Variants in TVP23A observed in about 807,000 individuals in gnomAD.
The protein encoded by TVP23A is trans-golgi network vesicle protein 23 homolog A, also known as Golgi apparatus membrane protein TVP23 homolog A.
A neutral mutation model predicts 31.7 loss-of-function variants in TVP23A; 21 were observed. The ratio of observed to expected loss-of-function variants is 0.66; its 90% confidence interval spans 0.47 to 0.95. TVP23A has a LOEUF of 0.95. Among genes scored for constraint, TVP23A ranks in the 40% least tolerant of loss-of-function variants. The pLI, the probability that TVP23A is intolerant of heterozygous loss-of-function variation, is 0.00. For missense variants in TVP23A, 279 were observed against 255.6 expected (o/e 1.09, Z -0.62); for synonymous variants, 104 against 96.0 (o/e 1.08, Z -0.49).
chr16:10,767,932 T>A lies in TVP23A; in HGVS notation c.*1170A>T. 5 of 1,613,086 alleles carry A rather than the reference T, an allele frequency of 3.1e-6. No individual in the cohort carries two copies. The highest frequency in any genetic ancestry group is 4.2e-6 in the Non-Finnish European group (5 of 1,179,058). ...TCCTCTTGGACTGAATTGTCTTCCG[T>A]TTGTTTCTTTTTTAAGGTAAGAATT... On this transcript the variant is annotated 3_prime_UTR_variant, in exon 8 of 8. Coordinates refer to ENST00000299866, the MANE Select transcript of TVP23A (RefSeq NM_001079512.4). This position sits in a 1 kb window ranked among gnomAD's most constrained non-coding sequence, Gnocchi z 4.6.
At chr16:10,780,763 C>T (rs980606173) in intron 2 of TVP23A, among the ~76,000 whole-genome samples, 1 of 152,160 alleles carries the variant, frequency 6.6e-6, no homozygotes, top group Admixed American at 6.5e-5. Context: ...GAAACACACA[C>T]CATGCTCAAA....
At chr16:10,795,699 C>T (rs1230739987) in intron 2 of TVP23A, among the ~76,000 whole-genome samples, 2 of 152,196 alleles carry the variant, frequency 1.3e-5, no homozygotes, top group Admixed American at 1.3e-4. Context: ...AAGGACCACA[C>T]ATTCGATGAG....
chr16:10,771,324 T>C (rs1053019499), intron 6 of TVP23A, among the ~76,000 whole-genome samples: 4 of 152,058 alleles, frequency 2.6e-5, no homozygotes, highest in Non-Finnish European at 5.9e-5. Flanking sequence ...GCGGGCTGCT[T>C]GAGCTCAGGA....
chr16:10,806,896 A>G (rs1046397434), intron 2 of TVP23A, among the ~76,000 whole-genome samples: 1 of 152,230 alleles, frequency 6.6e-6, no homozygotes, highest in African/African-American at 2.4e-5. Context: ...AGATGTAAGG[A>G]GTTAATTTCA....
At chr16:10,790,614 C>CT (rs2033052882) in intron 2 of TVP23A, among the ~76,000 whole-genome samples, 1 of 152,024 alleles carries the variant, frequency 6.6e-6, no homozygotes, top group Admixed American at 6.6e-5. Flanking sequence ...TGATTTTCTT[C>CT]TTTGTCATGT....
At chr16:10,759,109 C>T (rs534226917), downstream of TVP23A, among the ~76,000 whole-genome samples, 6 of 152,346 alleles carry the variant, frequency 3.9e-5, no homozygotes, top group Non-Finnish European at 2.9e-5. This position sits in a 1 kb window ranked among gnomAD's most constrained non-coding sequence, Gnocchi z 4.7. Flanking sequence ...TCAGTCAGGA[C>T]GACCCATAGT....
intron 2 of TVP23A, among the ~76,000 whole-genome samples, chr16:10,787,719 G>C (rs1273259683): frequency 6.6e-6 from 1 of 152,020 alleles, no homozygotes; most frequent in Admixed American, 6.6e-5. Flanking sequence ...ACAGGAGAGA[G>C]AGCTGTTCTC....
chr16:10,766,980 AC>A lies in TVP23A; in HGVS notation c.*2121del. The A allele has an allele frequency of 2.5e-6, 1 of 398,276 alleles. No homozygotes were observed. Among genetic ancestry groups the A allele is most frequent in the Non-Finnish European group, 4.4e-6 (1 of 226,086 alleles). 24.7% of individuals were successfully genotyped at this position (398,276 alleles called of 1,614,324 possible). On this transcript the variant is annotated 3_prime_UTR_variant, in exon 8 of 8. Coordinates refer to ENST00000299866, the MANE Select transcript of TVP23A (RefSeq NM_001079512.4). This position sits in a 1 kb window ranked among gnomAD's most constrained non-coding sequence, Gnocchi z 4.8. ...CATATGGGCTCCCCATCTCCCACCAACCCCTCCCCACAGGCTTCTTCCCCGA... is the reference window on the plus strand; with the variant it reads ...CATATGGGCTCCCCATCTCCCACCAACCCTCCCCACAGGCTTCTTCCCCGA...
chr16:10,772,339 G>A (rs1186800295), intron 5 of TVP23A, among the ~76,000 whole-genome samples: 2 of 152,104 alleles, frequency 1.3e-5, no homozygotes, highest in Non-Finnish European at 2.9e-5. Flanking sequence ...TGACACTGTT[G>A]TTTTACTATC....
At chr16:10,790,275 T>A (rs935450890) in intron 2 of TVP23A, among the ~76,000 whole-genome samples, 1 of 140,986 alleles carries the variant, frequency 7.1e-6, no homozygotes, top group Admixed American at 7.5e-5. Flanking sequence ...TGTCTTGGGG[T>A]AAAATTTTTT....
chr16:10,802,647 C>G (rs573010118), intron 2 of TVP23A, among the ~76,000 whole-genome samples: 15 of 152,216 alleles, frequency 9.9e-5, no homozygotes, highest in Admixed American at 3.3e-4. Context: ...TCCCGTAAGT[C>G]TGATATTATT....
At chr16:10,776,383 A>T (rs2032022383) in intron 2 of TVP23A, among the ~76,000 whole-genome samples, 1 of 151,842 alleles carries the variant, frequency 6.6e-6, no homozygotes, top group Non-Finnish European at 1.5e-5. Context: ...TCAAAAAATA[A>T]AAAAATAAAA....
chr16:10,757,970 C>G, downstream of TVP23A: 1 of 1,614,112 alleles, frequency 6.2e-7, no homozygotes, highest in Non-Finnish European at 8.5e-7. This position sits in a 1 kb window ranked among gnomAD's most constrained non-coding sequence, Gnocchi z 4.1. Flanking sequence ...ACCTCTCGGT[C>G]GTCCGGTACC....
At position 10,775,032 on chromosome 16, in the gene TVP23A, A is replaced by AGCTCACGTAGGTGACGATGGC. The variant is rs750373478; in HGVS notation, c.133_153dup (p.Ala45_Ser51dup). ...ACAAAGCTCTTGCTGAACCAGTCGC[A>AGCTCACGTAGGTGACGATGGC]GCTCACGTAGGTGACGATGGCACTC... is the stretch of plus-strand genomic sequence containing the variant. On this transcript the variant is annotated inframe_insertion, in exon 3 of 8. Transcript: ENST00000299866. 1 of 1,612,426 alleles carries AGCTCACGTAGGTGACGATGGC rather than the reference A, an allele frequency of 6.2e-7. No individual in the cohort carries two copies. Among genetic ancestry groups the AGCTCACGTAGGTGACGATGGC allele is most frequent in the Non-Finnish European group, 8.5e-7 (1 of 1,179,178 alleles).
downstream of TVP23A, among the ~76,000 whole-genome samples, chr16:10,762,659 G>A (rs538163567): frequency 4.6e-5 from 7 of 152,350 alleles, no homozygotes; most frequent in African/African-American, 1.4e-4. Flanking sequence ...TGGAGGGGAG[G>A]CCGGGATCCA....
chr16:10,802,568 G>A (rs779846728), intron 2 of TVP23A, among the ~76,000 whole-genome samples: 1 of 152,082 alleles, frequency 6.6e-6, no homozygotes, highest in Non-Finnish European at 1.5e-5. Flanking sequence ...GTGTGAGCCA[G>A]TGCACTCGTC....
In TVP23A at chr16:10,811,506, G is replaced by A. The variant is rs534970085; in HGVS notation, c.89+6597C>T. ...GCTGGTCTCAAACTCCTGGCCTCAA[G>A]CAATCCACCTGACTCAGCCTCCCAA... On this transcript the variant is annotated intron_variant, in intron 2 of 7. Transcript: ENST00000299866. Among the ~76,000 whole-genome samples the A allele has an allele frequency of 2.3e-3, 346 of 152,084 alleles. 1 individual carries two copies. Among genetic ancestry groups the A allele is most frequent in the African/African-American group, 8.0e-3 (332 of 41,468 alleles).
chr16:10,793,857 C>T (rs934571296), intron 2 of TVP23A, among the ~76,000 whole-genome samples: 2 of 127,012 alleles, frequency 1.6e-5, no homozygotes, highest in African/African-American at 3.1e-5. Flanking sequence ...TGTGATCACA[C>T]CACTGCATTC....
rs1294573313 is a variant in TVP23A at position 10,786,010 on chromosome 16, G to A, written c.90-10914C>T. On this transcript the variant is annotated intron_variant, in intron 2 of 7. Transcript: ENST00000299866. ...AAAATACAAACAATTAGCTGGGAGG[G>A]GTCTTCCAGGTCATAGGTAGATTAG... Among the ~76,000 whole-genome samples, 4 of 152,040 alleles carry A rather than the reference G, an allele frequency of 2.6e-5. No individual in the cohort carries two copies. The East Asian group carries it at 7.7e-4, about 29-fold the overall frequency.
Sources: allele counts gnomAD v4.1 joint callset (sites outside exome capture counted in the v4.1 genomes callset), GRCh38; gene constraint gnomAD v4.1.1; non-coding constraint Gnocchi (gnomAD v3.1); transcripts MANE v1.5; gene names NCBI Gene and HGNC (gene_info 2026-07-23, HGNC 2026-07-21).